Variants in GFOD1 observed in about 807,000 individuals in gnomAD.
GFOD1 encodes glucose-fructose oxidoreductase domain-containing protein 1.
GFOD1 carries 9 observed loss-of-function variants against 25.4 expected under a neutral mutation model. That is an observed-to-expected ratio of 0.35 (90% confidence interval 0.21 to 0.62). GFOD1 has a LOEUF of 0.62. GFOD1 is among the 20% of genes least tolerant of loss of function. The probability of loss-of-function intolerance (pLI) is 0.72; values close to 1 mark genes in which losing one functional copy is unlikely to be tolerated. For synonymous variants in GFOD1, 253 were observed against 245.6 expected, an observed-to-expected ratio of 1.03 and a Z score of -0.28; for missense variants, 403 against 556.9, an observed-to-expected ratio of 0.72 and a Z score of 2.78.
At chr6:13,376,792 T>G (rs1347308636) in intron 1 of GFOD1, among the ~76,000 whole-genome samples, 1 of 152,134 alleles carries the variant, frequency 6.6e-6, no homozygotes, top group African/African-American at 2.4e-5. Context: ...GCTGGGAACC[T>G]CCTATCATCT....
chr6:13,367,152 T>C (rs937749819), intron 1 of GFOD1, among the ~76,000 whole-genome samples: 24 of 152,226 alleles, frequency 1.6e-4, no homozygotes, highest in South Asian at 4.1e-4. Flanking sequence ...AAAAATCATA[T>C]AGTGAAAGGA....
chr6:13,369,376 T>A (rs1785105454), intron 1 of GFOD1, among the ~76,000 whole-genome samples: 1 of 152,222 alleles, frequency 6.6e-6, no homozygotes, highest in South Asian at 2.1e-4. Context: ...ACTGCATTAT[T>A]TATTATAGCA....
chr6:13,380,308 G>A (rs1230339732), intron 1 of GFOD1, among the ~76,000 whole-genome samples: 1 of 152,214 alleles, frequency 6.6e-6, no homozygotes, highest in Non-Finnish European at 1.5e-5. Flanking sequence ...AATAGTATAT[G>A]GGAAAGTTTG....
chr6:13,436,728 C>T (rs1405648448), intron 1 of GFOD1, among the ~76,000 whole-genome samples: 3 of 152,174 alleles, frequency 2.0e-5, no homozygotes, highest in East Asian at 1.9e-4. Context: ...TCACCTTGAC[C>T]GCTATTGCTG....
chr6:13,403,883 T>C (rs193257591), intron 1 of GFOD1, among the ~76,000 whole-genome samples: 15 of 152,082 alleles, frequency 9.9e-5, no homozygotes, highest in Admixed American at 9.8e-4. Context: ...GTTGGAAGAG[T>C]GATTACTAAT....
At chr6:13,416,682 G>A (rs933401695) in intron 1 of GFOD1, among the ~76,000 whole-genome samples, 2 of 152,180 alleles carry the variant, frequency 1.3e-5, no homozygotes, top group African/African-American at 2.4e-5. Context: ...CAAAGTCTCT[G>A]AAAGGTTTTA....
intron 1 of GFOD1, among the ~76,000 whole-genome samples, chr6:13,366,721 C>A (rs986358289): frequency 2.6e-5 from 4 of 151,856 alleles, no homozygotes; most frequent in African/African-American, 9.7e-5. Context: ...TCTCGAATTC[C>A]TGGTCTTAAG....
At position 13,357,859 on chromosome 6, in the gene GFOD1, C is replaced by G. The variant is rs1201059776; in HGVS notation, c.*6884G>C. 1 of 152,284 alleles carries G rather than the reference C, an allele frequency of 6.6e-6. No homozygotes were observed. The highest frequency in any genetic ancestry group is 1.5e-5 in the Non-Finnish European group (1 of 68,060). The allele number at this position is 152,284 out of a possible 1,614,324, so 9.4% of individuals were successfully genotyped here. ...ATTTTCTTTTAAATCTTTATTTATC[C>G]TTTTCATTCCTTTATCCCACCAATG... On this transcript the variant is annotated 3_prime_UTR_variant, in exon 2 of 2. Transcript: ENST00000379287.
At chr6:13,458,408 C>A (rs1396899537) in intron 1 of GFOD1, among the ~76,000 whole-genome samples, 3 of 152,088 alleles carry the variant, frequency 2.0e-5, no homozygotes, top group African/African-American at 7.2e-5. Context: ...CAAGCCCCCA[C>A]GTCCAGCCTG....
At position 13,389,430 on chromosome 6, in the gene GFOD1, G is replaced by A. The variant is rs193197519; in HGVS notation, c.254-23768C>T. 9.7e-4 allele frequency among the ~76,000 whole-genome samples: 147 copies of A among 152,316 alleles called. 1 individual carries two copies. The highest frequency in any genetic ancestry group is 1.7e-3 in the Non-Finnish European group (118 of 68,026). The stretch of plus-strand genomic sequence containing the variant: ...CATATACACCATGGAATGCTATGCA[G>A]CCATAAAAAAGGATGAGTTCATGTC... On this transcript the variant is annotated intron_variant, in intron 1 of 1. Coordinates refer to ENST00000379287, the MANE Select transcript of GFOD1 (RefSeq NM_018988.4).
intron 1 of GFOD1, among the ~76,000 whole-genome samples, chr6:13,380,414 G>C (rs1785341137): frequency 6.6e-6 from 1 of 152,318 alleles, no homozygotes; most frequent in South Asian, 2.1e-4. Context: ...TCTCTTCCAG[G>C]GATCCCTGGG....
intron 1 of GFOD1, among the ~76,000 whole-genome samples, chr6:13,398,049 C>T (rs1039054648): frequency 5.3e-5 from 8 of 152,332 alleles, no homozygotes; most frequent in African/African-American, 1.7e-4. Flanking sequence ...CCTGGAGCCT[C>T]TGCCGCTGGG....
At chr6:13,406,622 G>A (rs564099836) in intron 1 of GFOD1, among the ~76,000 whole-genome samples, 1 of 152,280 alleles carries the variant, frequency 6.6e-6, no homozygotes, top group East Asian at 1.9e-4. Flanking sequence ...TTGATGCTAA[G>A]TGCAAAGATC....
At chr6:13,462,567 A>G (rs146390024) in intron 1 of GFOD1, among the ~76,000 whole-genome samples, 2 of 152,304 alleles carry the variant, frequency 1.3e-5, no homozygotes, top group East Asian at 1.9e-4. Context: ...ACAGTCTGCC[A>G]AACCCACCTC....
chr6:13,396,491 C>T (rs1361864943), intron 1 of GFOD1, among the ~76,000 whole-genome samples: 2 of 152,162 alleles, frequency 1.3e-5, no homozygotes, highest in African/African-American at 4.8e-5. Flanking sequence ...ATTCTGAGTC[C>T]TCCTGTGTGG....
intron 1 of GFOD1, among the ~76,000 whole-genome samples, chr6:13,373,360 A>G (rs1357588710): frequency 2.0e-5 from 3 of 152,200 alleles, no homozygotes; most frequent in Admixed American, 2.0e-4. Flanking sequence ...GGTCTAAAAT[A>G]AGATTAATGG....
At chr6:13,412,701 A>G (rs1274469093) in intron 1 of GFOD1, among the ~76,000 whole-genome samples, 1 of 152,242 alleles carries the variant, frequency 6.6e-6, no homozygotes, top group African/African-American at 2.4e-5. Flanking sequence ...CAGTGGCAAC[A>G]GGCCTGCCTT....
rs893058570 is a variant in GFOD1 at position 13,361,959 on chromosome 6, A to G, written c.*2784T>C. The G allele has an allele frequency of 1.3e-5, 2 of 152,186 alleles. No homozygotes were observed. The highest frequency in any genetic ancestry group is 4.8e-5 in the African/African-American group (2 of 41,436). 9.4% of individuals were successfully genotyped at this position (152,186 alleles called of 1,614,324 possible). On this transcript the variant is annotated 3_prime_UTR_variant, in exon 2 of 2. Coordinates refer to ENST00000379287, the MANE Select transcript of GFOD1 (RefSeq NM_018988.4). ...CGAAGTTTTGGGAAAAGATTTCGCGAGTATTATGGTTTAGTACAGAAACAT... is the reference window on the plus strand; with the variant it reads ...CGAAGTTTTGGGAAAAGATTTCGCGGGTATTATGGTTTAGTACAGAAACAT...
Position 13,365,565 on chromosome 6 carries a change from G to A in GFOD1, c.351C>T (p.Ile117=). 3 of 1,610,548 alleles carry A rather than the reference G, an allele frequency of 1.9e-6. No individual in the cohort carries two copies. In the South Asian group the frequency reaches 3.3e-5, roughly 18 times the overall value. ...AAHYYPKLMS[I]MGNVLRFLPA... Reference sequence around the variant, plus strand: ...GCAGGAAGCGCAGCACGTTGCCCATGATGCTCATGAGCTTGGGGTAGTAGT... The same window carrying A: ...GCAGGAAGCGCAGCACGTTGCCCATAATGCTCATGAGCTTGGGGTAGTAGT... Residue 117 remains isoleucine (I), a synonymous_variant, in exon 2 of 2, where the codon ATC becomes ATT. Transcript: ENST00000379287. The surrounding 1 kb of genome is among the most constrained non-coding windows in gnomAD (Gnocchi z 9.2).
Sources: gnomAD v4.1 joint callset for allele counts (sites outside exome capture counted in the v4.1 genomes callset) on GRCh38, gnomAD v4.1.1 for gene constraint, Gnocchi (gnomAD v3.1) non-coding constraint, MANE v1.5 for transcripts, NCBI Gene and HGNC (gene_info 2026-07-23, HGNC 2026-07-21) for gene names.